The following CNTNAP2 variants were observed in gnomAD, a reference collection of about 807,000 sequenced individuals.
CNTNAP2 encodes the protein contactin associated protein 2, also known as contactin-associated protein-like 2.
A neutral mutation model predicts 155.2 loss-of-function variants in CNTNAP2; 98 were observed. The observed-to-expected ratio is 0.63, with a 90% CI of 0.54 to 0.75. The LOEUF (loss-of-function observed/expected upper bound fraction) is 0.75. CNTNAP2 is among the 30% of genes least tolerant of loss of function. CNTNAP2 has a pLI of 0.00. For missense variants in CNTNAP2, 1,727 were observed against 1,688.1 expected (o/e 1.02, Z -0.40); for synonymous variants, 651 against 631.2 (o/e 1.03, Z -0.47).
At position 147,160,520 on chromosome 7, in the gene CNTNAP2, A is replaced by G. The variant is rs150973743; in HGVS notation, c.1348+28011A>G. 4.1e-3 allele frequency among the ~76,000 whole-genome samples: 626 copies of G among 152,212 alleles called. 4 individuals are homozygous for G. The highest frequency in any genetic ancestry group is 0.033 in the East Asian group (170 of 5,188). On this transcript the variant is annotated intron_variant, in intron 8 of 23. Coordinates refer to ENST00000361727, the MANE Select transcript of CNTNAP2 (RefSeq NM_014141.6). The stretch of plus-strand genomic sequence containing the variant: ...TAATTACAACCCCCTCCTTTTATTA[A>G]TTAAGCATATGTTTATTAAACACTA...
At chr7:148,236,978 C>A (rs1796052078) in intron 20 of CNTNAP2, among the ~76,000 whole-genome samples, 1 of 152,216 alleles carries the variant, frequency 6.6e-6, no homozygotes, top group Non-Finnish European at 1.5e-5. Flanking sequence ...ACCATGACCT[C>A]ATTTTGGACA....
chr7:146,182,658 A>G (rs568808573), intron 1 of CNTNAP2, among the ~76,000 whole-genome samples: 1 of 152,280 alleles, frequency 6.6e-6, no homozygotes, highest in East Asian at 1.9e-4. Flanking sequence ...CTGGCACAGC[A>G]GATTAATCCT....
intron 11 of CNTNAP2, among the ~76,000 whole-genome samples, chr7:147,536,024 C>T (rs956108040): frequency 2.6e-5 from 4 of 152,198 alleles, no homozygotes; most frequent in African/African-American, 7.2e-5. Context: ...CACATACTCA[C>T]CCCAGTAGGG....
chr7:146,907,717 C>T (rs993902294), intron 3 of CNTNAP2, among the ~76,000 whole-genome samples: 34 of 150,316 alleles, frequency 2.3e-4, no homozygotes, highest in African/African-American at 4.9e-4. Context: ...TAAAGACCAT[C>T]GAGACTAGGA....
intron 1 of CNTNAP2, among the ~76,000 whole-genome samples, chr7:146,391,123 T>G (rs1380382207): frequency 6.8e-6 from 1 of 147,812 alleles, no homozygotes; most frequent in Non-Finnish European, 1.5e-5. Context: ...ATTTAGTATA[T>G]ATATTTATTA....
chr7:146,271,450 A>G (rs2129083389), intron 1 of CNTNAP2, among the ~76,000 whole-genome samples: 1 of 151,892 alleles, frequency 6.6e-6, no homozygotes, highest in African/African-American at 2.4e-5. Flanking sequence ...AATTGAATTA[A>G]CTCCTTAGCT....
intron 13 of CNTNAP2, among the ~76,000 whole-genome samples, chr7:147,822,089 T>C (rs1798371404): frequency 6.6e-6 from 1 of 152,138 alleles, no homozygotes. Context: ...TTTAGTCTCA[T>C]GGAAGTCTTC....
chr7:148,158,969 G>T (rs1020259967), intron 17 of CNTNAP2, among the ~76,000 whole-genome samples: 1 of 152,140 alleles, frequency 6.6e-6, no homozygotes, highest in African/African-American at 2.4e-5. Context: ...TTGAAGAAGG[G>T]ATAGATCCTC....
intron 3 of CNTNAP2, among the ~76,000 whole-genome samples, chr7:146,906,207 C>T (rs950180872): frequency 3.5e-4 from 53 of 151,920 alleles, no homozygotes; most frequent in Middle Eastern, 3.5e-3. Context: ...AACTGCAAGG[C>T]GGCAGCGAGG....
At chr7:147,444,020 A>G (rs1342552192) in intron 10 of CNTNAP2, among the ~76,000 whole-genome samples, 2 of 152,182 alleles carry the variant, frequency 1.3e-5, no homozygotes, top group East Asian at 3.8e-4. Flanking sequence ...TATTCCCAGT[A>G]AAAAGGTTTT....
intron 1 of CNTNAP2, among the ~76,000 whole-genome samples, chr7:146,196,583 AAGAG>A (rs1008458521): frequency 6.7e-6 from 1 of 149,528 alleles, no homozygotes; most frequent in East Asian, 2.1e-4. Context: ...GAGAGAGAGA[AAGAG>A]AGAGAGAGAA....
chr7:147,640,708 T>G, intron 13 of CNTNAP2, among the ~76,000 whole-genome samples: 1 of 151,968 alleles, frequency 6.6e-6, no homozygotes. Flanking sequence ...GGAGTGGTTT[T>G]AAGGAGAGGA....
At chr7:148,006,511 A>G (rs368411674) in intron 15 of CNTNAP2, among the ~76,000 whole-genome samples, 12 of 151,336 alleles carry the variant, frequency 7.9e-5, no homozygotes, top group East Asian at 2.0e-4. Flanking sequence ...TGGAGACAGG[A>G]TTTCACCATG....
intron 9 of CNTNAP2, among the ~76,000 whole-genome samples, chr7:147,339,919 C>A (rs1795731782): frequency 6.6e-6 from 1 of 152,122 alleles, no homozygotes; most frequent in Non-Finnish European, 1.5e-5. Context: ...AGCTTGGAAG[C>A]TCTTGCTGTC....
At chr7:147,655,894 T>G (rs924197153) in intron 13 of CNTNAP2, among the ~76,000 whole-genome samples, 1 of 152,236 alleles carries the variant, frequency 6.6e-6, no homozygotes, top group Non-Finnish European at 1.5e-5. Flanking sequence ...CCTCTTCCAA[T>G]AGAAAGATGT....
chr7:147,061,123 A>T (rs969165872), intron 4 of CNTNAP2, among the ~76,000 whole-genome samples: 6 of 141,208 alleles, frequency 4.2e-5, no homozygotes, highest in Non-Finnish European at 7.5e-5. Context: ...GGGGCCGGGG[A>T]GGAAGAGGAA....
At chr7:147,631,223 A>T (rs1014621373) in intron 12 of CNTNAP2, among the ~76,000 whole-genome samples, 1 of 152,160 alleles carries the variant, frequency 6.6e-6, no homozygotes, top group Non-Finnish European at 1.5e-5. Flanking sequence ...CCCTTTTACA[A>T]CAGCTTCACA....
At chr7:147,387,936 T>C (rs1332310779) in intron 9 of CNTNAP2, among the ~76,000 whole-genome samples, 1 of 152,178 alleles carries the variant, frequency 6.6e-6, no homozygotes, top group African/African-American at 2.4e-5. Flanking sequence ...ATTAACATGA[T>C]GGTTTCCAAA....
At chr7:147,584,740 T>C (rs1468178215) in intron 12 of CNTNAP2, among the ~76,000 whole-genome samples, 1 of 152,242 alleles carries the variant, frequency 6.6e-6, no homozygotes, top group Non-Finnish European at 1.5e-5. Flanking sequence ...CCTCTTCCTC[T>C]CTGATCCAGA....
Sources: gnomAD v4.1 joint callset for allele counts (sites outside exome capture counted in the v4.1 genomes callset) on GRCh38, gnomAD v4.1.1 for gene constraint, MANE v1.5 for transcripts, NCBI Gene and HGNC (gene_info 2026-07-23, HGNC 2026-07-21) for gene names.